DLG2: variants seen among roughly 807,000 people sequenced by gnomAD.
The protein encoded by DLG2 is discs large MAGUK scaffold protein 2, also known as disks large homolog 2.
DLG2 carries 45 observed loss-of-function variants against 132.5 expected under a neutral mutation model. The observed-to-expected ratio is 0.34, with a 90% CI of 0.27 to 0.44. The LOEUF is 0.44. DLG2 is among the 20% of genes least tolerant of loss of function. DLG2 has a pLI of 1.00. For synonymous variants in DLG2, 424 were observed against 419.6 expected, an observed-to-expected ratio of 1.01 and a Z score of -0.13; for missense variants, 1,045 against 1,196.9, an observed-to-expected ratio of 0.87 and a Z score of 1.87.
intron 11 of DLG2, among the ~76,000 whole-genome samples, chr11:83,983,963 T>C (rs2093022265): frequency 6.6e-6 from 1 of 152,012 alleles, no homozygotes. Flanking sequence ...AGTACAGAGG[T>C]TATTCCAAAC....
intron 4 of DLG2, among the ~76,000 whole-genome samples, chr11:85,227,084 G>A (rs1360360836): frequency 6.6e-6 from 1 of 152,018 alleles, no homozygotes; most frequent in African/African-American, 2.4e-5. Context: ...CCCAAGGCCT[G>A]CCTTATCACA....
chr11:84,248,731 G>C (rs1467430662), intron 8 of DLG2, among the ~76,000 whole-genome samples: 7 of 152,080 alleles, frequency 4.6e-5, no homozygotes, highest in Non-Finnish European at 1.0e-4. Flanking sequence ...GCCAGGCATG[G>C]TGGTGCACTC....
At chr11:84,197,216 A>T (rs2096533655) in intron 8 of DLG2, among the ~76,000 whole-genome samples, 2 of 152,088 alleles carry the variant, frequency 1.3e-5, no homozygotes, top group Admixed American at 1.3e-4. Flanking sequence ...TTGATTTCCA[A>T]ATTATCTCTA....
Position 84,059,368 on chromosome 11 carries a change from C to T in DLG2, c.866G>A (p.Arg289Lys), listed in dbSNP as rs757922288. 6.2e-7 allele frequency: 1 copy of T among 1,613,680 alleles called. No individual in the cohort carries two copies. Among genetic ancestry groups the T allele is most frequent in the Admixed American group, 1.7e-5 (1 of 59,948 alleles). Residue 289 changes from arginine to lysine, a missense_variant, in exon 11 of 28, where the codon AGA (arginine) becomes AAA (lysine). Around this residue, in one of 4 missense-constraint regions of DLG2, gnomAD observed 109 missense variants for 159.1 expected, o/e 0.69. Transcript: ENST00000376104. Reference sequence around the variant, plus strand: ...CACAACGGTCTCCAAAATAGGTCGTCTTCTACGCACATACAGCCGAACGAT... The same window carrying T: ...CACAACGGTCTCCAAAATAGGTCGTTTTCTACGCACATACAGCCGAACGAT... ...GSIVRLYVRR[R>K]RPILETVVEI...
chr11:84,498,381 G>A (rs1251842512), intron 7 of DLG2, among the ~76,000 whole-genome samples: 1 of 152,080 alleles, frequency 6.6e-6, no homozygotes, highest in Non-Finnish European at 1.5e-5. Flanking sequence ...GGAAGCAGAT[G>A]AATAAGTCAC....
intron 15 of DLG2, among the ~76,000 whole-genome samples, chr11:83,888,611 T>C (rs560343467): frequency 1.3e-5 from 2 of 152,126 alleles, no homozygotes; most frequent in Non-Finnish European, 2.9e-5. Flanking sequence ...TTAAAGTTCA[T>C]ATGGAACCAA....
intron 3 of DLG2, among the ~76,000 whole-genome samples, chr11:85,432,679 C>T (rs72951976): frequency 0.061 from 9,227 of 151,994 alleles, 425 homozygotes; most frequent in African/African-American, 0.12. Context: ...CATAAAATGA[C>T]CGCAGCTACA....
At position 84,601,185 on chromosome 11, in the gene DLG2, C is replaced by T. The variant is rs912144472; in HGVS notation, c.358-66454G>A. Among the ~76,000 whole-genome samples, 11 of 152,072 alleles carry T rather than the reference C, an allele frequency of 7.2e-5. No homozygotes were observed. In the East Asian group the frequency reaches 2.1e-3, roughly 29 times the overall value. On this transcript the variant is annotated intron_variant, in intron 6 of 27. Coordinates refer to ENST00000376104, the MANE Select transcript of DLG2 (RefSeq NM_001142699.3). ...TTATATTTGGTGTTGACAGGTTATT[C>T]TGGAAGCTGTAGTGATACATTTGCC...
At chr11:84,506,805 G>A (rs1369112730) in intron 7 of DLG2, among the ~76,000 whole-genome samples, 1 of 152,162 alleles carries the variant, frequency 6.6e-6, no homozygotes, top group South Asian at 2.1e-4. Flanking sequence ...GAAAATGTAA[G>A]AATTTGTTGG....
chr11:84,972,128 T>A (rs2054188228), intron 6 of DLG2, among the ~76,000 whole-genome samples: 2 of 152,106 alleles, frequency 1.3e-5, no homozygotes, highest in Non-Finnish European at 2.9e-5. Context: ...CACCCTCTAA[T>A]CAATCATTTT....
chr11:84,045,916 G>A (rs929460705), intron 11 of DLG2, among the ~76,000 whole-genome samples: 1 of 151,392 alleles, frequency 6.6e-6, no homozygotes, highest in East Asian at 1.9e-4. Context: ...TGTAGCCGTA[G>A]AAAGCAAAAA....
intron 16 of DLG2, among the ~76,000 whole-genome samples, chr11:83,838,892 A>T (rs1476775414): frequency 6.6e-6 from 1 of 152,210 alleles, no homozygotes; most frequent in Non-Finnish European, 1.5e-5. Context: ...TGAAAGCTTT[A>T]TGGAGGGAAT....
intron 11 of DLG2, among the ~76,000 whole-genome samples, chr11:84,021,387 C>T (rs189850154): frequency 2.0e-5 from 3 of 152,108 alleles, no homozygotes; most frequent in Admixed American, 2.0e-4. Context: ...TGTTATAAGC[C>T]CTTTCTCCCC....
At chr11:85,082,726 C>G (rs914748850) in intron 6 of DLG2, among the ~76,000 whole-genome samples, 12 of 129,902 alleles carry the variant, frequency 9.2e-5, no homozygotes, top group African/African-American at 3.3e-4. Context: ...ATGGTTTTTT[C>G]TTTTCTTTCT....
At chr11:84,002,733 G>A (rs1362855677) in intron 11 of DLG2, among the ~76,000 whole-genome samples, 3 of 152,022 alleles carry the variant, frequency 2.0e-5, no homozygotes, top group Non-Finnish European at 2.9e-5. Flanking sequence ...GTCATGGGAG[G>A]GGTTGCCATG....
chr11:84,519,693 A>G (rs1471615749), intron 7 of DLG2, among the ~76,000 whole-genome samples: 2 of 152,164 alleles, frequency 1.3e-5, no homozygotes, highest in African/African-American at 2.4e-5. Flanking sequence ...TATTTTTTCC[A>G]AAATTTACAA....
At chr11:85,521,731 G>A (rs920400011) in intron 3 of DLG2, among the ~76,000 whole-genome samples, 1 of 152,112 alleles carries the variant, frequency 6.6e-6, no homozygotes, top group Middle Eastern at 3.2e-3. Flanking sequence ...ATGAAGATGA[G>A]GAACTTTTTG....
At chr11:84,861,761 G>A (rs937127327) in intron 6 of DLG2, among the ~76,000 whole-genome samples, 4 of 146,582 alleles carry the variant, frequency 2.7e-5, no homozygotes, top group Non-Finnish European at 6.0e-5. Context: ...AAATTTACAA[G>A]AAAAAATAAA....
chr11:84,245,170 T>A (rs1439248581), intron 8 of DLG2, among the ~76,000 whole-genome samples: 1 of 152,218 alleles, frequency 6.6e-6, no homozygotes, highest in East Asian at 1.9e-4. Context: ...ATTGTGTCTC[T>A]ATGTCACTGA....
Sources: gnomAD v4.1 joint callset for allele counts (sites outside exome capture counted in the v4.1 genomes callset) on GRCh38, gnomAD v4.1.1 for gene constraint, gnomAD v4.1.1 regional missense constraint, MANE v1.5 for transcripts, NCBI Gene and HGNC (gene_info 2026-07-23, HGNC 2026-07-21) for gene names.